The following SIRPB1 variants were observed in gnomAD, a reference collection of about 807,000 sequenced individuals.
The protein encoded by SIRPB1 is signal-regulatory protein beta-1.
Under a neutral mutation model 34.1 loss-of-function variants are expected in SIRPB1, and 28 were observed. That is an observed-to-expected ratio of 0.82 (90% CI 0.61 to 1.12). The LOEUF is 1.12. Ranked by LOEUF, SIRPB1 falls within the 50% of genes most tolerant of loss-of-function variation. The probability of loss-of-function intolerance (pLI) is 0.00; values close to 1 mark genes in which losing one functional copy is unlikely to be tolerated. For synonymous variants in SIRPB1, 211 were observed against 203.8 expected (o/e 1.04, Z -0.30); for missense variants, 499 against 507.0 (o/e 0.98, Z 0.15).
chr20:1,584,960 A>G lies in SIRPB1; in HGVS notation c.77-6266T>C, dbSNP rs1047258420. On this transcript the variant is annotated intron_variant, in intron 1 of 5. Transcript: ENST00000381605. ...CCCAGCAATAAACTCACACATTTGC[A>G]CTCAATTGACCTTTGACAAAAGGGT... 1.0e-4 allele frequency among the ~76,000 whole-genome samples: 5 copies of G among 48,750 alleles called. 2 individuals carry two copies. The highest frequency in any genetic ancestry group is 2.0e-4 in the Non-Finnish European group (5 of 25,308). 32.0% of individuals were successfully genotyped at this position (48,750 alleles called of 152,430 possible).
At chr20:1,576,862 A>G (rs1388423018) in intron 2 of SIRPB1, among the ~76,000 whole-genome samples, 1 of 148,696 alleles carries the variant, frequency 6.7e-6, no homozygotes, top group African/African-American at 2.4e-5. Flanking sequence ...TCTGACCTAG[A>G]AACACCACTT....
chr20:1,563,195 T>C lies in SIRPB1; in HGVS notation c.*2305A>G, dbSNP rs890500377. Among the ~76,000 whole-genome samples the C allele has an allele frequency of 2.6e-5, 4 of 152,102 alleles. No individual in the cohort carries two copies. The highest frequency in any genetic ancestry group is 5.9e-5 in the Non-Finnish European group (4 of 68,014). Reference sequence around the variant, plus strand: ...AAGATGGCAAAACACCAAGGTATAATAGAAATGATGCTTGCTGGCTAGGCA... The same window carrying C: ...AAGATGGCAAAACACCAAGGTATAACAGAAATGATGCTTGCTGGCTAGGCA... On this transcript the variant is annotated 3_prime_UTR_variant, in exon 6 of 6. Transcript: ENST00000381605.
At chr20:1,570,615 G>A in intron 4 of SIRPB1, 190 bp downstream of exon 4, 2 of 546,162 alleles carry the variant, frequency 3.7e-6, no homozygotes, top group Non-Finnish European at 6.4e-6. Context: ...GGGCTTAAGG[G>A]TGTCTACAAA....
chr20:1,616,246 T>C (rs555242139), intron 1 of SIRPB1, among the ~76,000 whole-genome samples: 3 of 152,302 alleles, frequency 2.0e-5, no homozygotes, highest in Non-Finnish European at 4.4e-5. Flanking sequence ...CATAGAAAAT[T>C]GTGAGTAGAA....
chr20:1,562,535 C>G lies in SIRPB1; in HGVS notation c.*2965G>C, dbSNP rs1240393973. ...TTGGTGATGACATGCATGCATTTCT[C>G]TTACCATAGTTTAGTTAAGTAACAT... On this transcript the variant is annotated 3_prime_UTR_variant, in exon 6 of 6. Transcript: ENST00000381605. 4.0e-5 allele frequency among the ~76,000 whole-genome samples: 6 copies of G among 151,610 alleles called. No homozygotes were observed. Among genetic ancestry groups the G allele is most frequent in the Non-Finnish European group, 1.5e-5 (1 of 67,998 alleles).
At chr20:1,567,131 T>A (rs1283091949) in intron 4 of SIRPB1, among the ~76,000 whole-genome samples, 3 of 152,116 alleles carry the variant, frequency 2.0e-5, no homozygotes, top group Non-Finnish European at 4.4e-5. Context: ...GGTGGGTCCT[T>A]AAGGAAGGAA....
intron 1 of SIRPB1, among the ~76,000 whole-genome samples, chr20:1,617,299 T>TC (rs1317984901): frequency 6.6e-6 from 1 of 152,114 alleles, no homozygotes; most frequent in Non-Finnish European, 1.5e-5. Flanking sequence ...TAGATGTCCA[T>TC]CAGCAGATAA....
Position 1,570,855 on chromosome 20 carries a change from G to A in SIRPB1, c.1034C>T (p.Ala345Val). Reference protein sequence around the residue: ...DGQQAVSKSYALEISAHQKEH... With the variant: ...DGQQAVSKSYVLEISAHQKEH... ...CTTCTGGTGCGCTGAGATCTCCAGG[G>A]CATAGCTTTTGCTGACTGCTTGCTG... Residue 345 changes from alanine (A) to valine (V), a missense_variant, in exon 4 of 6, where the codon GCC becomes GTC. Transcript: ENST00000381605. 1.2e-6 allele frequency: 2 copies of A among 1,614,174 alleles called. No individual in the cohort carries two copies.
rs1241396542 is a variant in SIRPB1, at chr20:1,583,579, A to G, written c.77-4885T>C. Among the ~76,000 whole-genome samples, 3 of 48,086 alleles carry G rather than the reference A, an allele frequency of 6.2e-5. 1 individual carries two copies. The highest frequency in any genetic ancestry group is 1.4e-4 in the African/African-American group (1 of 7,228). The allele number at this position is 48,086 out of a possible 152,430, so 31.5% of individuals were successfully genotyped here. On this transcript the variant is annotated intron_variant, in intron 1 of 5. Transcript: ENST00000381605. ...ATAGGCAGGGTTCTCTGTTACTTTT[A>G]TCTCCTTCTTTCTTCCTCAACCCTA...
In SIRPB1 at chr20:1,571,238, G is replaced by A. The variant is rs1203704060; in HGVS notation, c.752-101C>T. 1.3e-5 allele frequency: 16 copies of A among 1,232,998 alleles called. 1 individual carries two copies. 76.4% of individuals were successfully genotyped at this position (1,232,998 alleles called of 1,614,324 possible). Reference sequence around the variant, plus strand: ...CACCAACACAGTGAGGGCATCACCAGGACAGTGCTAGGCAGGCAGCAGGTG... The same window carrying A: ...CACCAACACAGTGAGGGCATCACCAAGACAGTGCTAGGCAGGCAGCAGGTG... On this transcript the variant is annotated intron_variant, in intron 3 of 5. Coordinates refer to ENST00000381605, the MANE Select transcript of SIRPB1 (RefSeq NM_006065.5).
rs575725779 is a variant in SIRPB1 at position 1,561,962 on chromosome 20, C to A, written c.*3538G>T. ...CTTCTGCACTGGAGATTCTTCTCTT[C>A]TTTCCCATTAATTTATTCAATCATT... On this transcript the variant is annotated 3_prime_UTR_variant, in exon 6 of 6. Coordinates refer to ENST00000381605, the MANE Select transcript of SIRPB1 (RefSeq NM_006065.5). Among the ~76,000 whole-genome samples the A allele has an allele frequency of 3.9e-5, 6 of 152,308 alleles. No homozygotes were observed. In the South Asian group the frequency reaches 1.2e-3, roughly 32 times the overall value.
intron 2 of SIRPB1, among the ~76,000 whole-genome samples, chr20:1,576,212 C>G (rs552459128): frequency 6.8e-6 from 1 of 147,820 alleles, no homozygotes; most frequent in African/African-American, 2.5e-5. Context: ...AGTGTCTTTG[C>G]CAATATTATC....
rs1045456459 is a variant in SIRPB1, at chr20:1,594,668, G to C, written c.77-15974C>G. Among the ~76,000 whole-genome samples the C allele has an allele frequency of 4.1e-5, 2 of 48,308 alleles. 1 individual carries two copies. Among genetic ancestry groups the C allele is most frequent in the Non-Finnish European group, 7.9e-5 (2 of 25,244 alleles). 31.7% of individuals were successfully genotyped at this position (48,308 alleles called of 152,430 possible). ...TTAAAACTTCCTAGTCTGAAATCAA[G>C]CTCTACCAGCTCCCAAGTGTGTGAC... On this transcript the variant is annotated intron_variant, in intron 1 of 5. Coordinates refer to ENST00000381605, the MANE Select transcript of SIRPB1 (RefSeq NM_006065.5).
rs925607307 is a variant in SIRPB1 at position 1,563,347 on chromosome 20, G to T, written c.*2153C>A. ...CATCTCTACTAAAAATACAAAATTAGCTGGGTGTGGTGGTACATGCCTGTA... is the reference window on the plus strand; with the variant it reads ...CATCTCTACTAAAAATACAAAATTATCTGGGTGTGGTGGTACATGCCTGTA... On this transcript the variant is annotated 3_prime_UTR_variant, in exon 6 of 6. Transcript: ENST00000381605. Among the ~76,000 whole-genome samples the T allele has an allele frequency of 1.5e-4, 23 of 152,022 alleles. No individual in the cohort carries two copies. The highest frequency in any genetic ancestry group is 2.9e-4 in the Non-Finnish European group (20 of 68,014).
At position 1,564,740 on chromosome 20, in the gene SIRPB1, A is replaced by T. The variant is rs2091106045; in HGVS notation, c.*760T>A. 7.6e-6 allele frequency: 3 copies of T among 395,808 alleles called. No individual in the cohort carries two copies. Among genetic ancestry groups the T allele is most frequent in the African/African-American group, 6.2e-5 (3 of 48,586 alleles). 24.5% of individuals were successfully genotyped at this position (395,808 alleles called of 1,614,324 possible). A position where few individuals can be genotyped will look rare whatever the true frequency, so the allele number is the denominator to read the frequency against. Reference sequence around the variant, plus strand: ...AATTGGTCAGGTTGGGAGTTATTACACTAGAGAAATTGGCAAGCACTGCAA... The same window carrying T: ...AATTGGTCAGGTTGGGAGTTATTACTCTAGAGAAATTGGCAAGCACTGCAA... On this transcript the variant is annotated 3_prime_UTR_variant, in exon 6 of 6. Transcript: ENST00000381605.
intron 1 of SIRPB1, chr20:1,604,681 G>T: frequency 1.9e-6 from 1 of 540,240 alleles, no homozygotes; most frequent in Non-Finnish European, 2.5e-6. Flanking sequence ...GATGAGTGGA[G>T]GGTGGTGGGG....
chr20:1,579,667 C>A (rs527271020), intron 1 of SIRPB1, among the ~76,000 whole-genome samples: 11 of 148,550 alleles, frequency 7.4e-5, no homozygotes, highest in African/African-American at 2.7e-4. Flanking sequence ...ATCACATTAC[C>A]TAAGTTTCCT....
chr20:1,617,154 A>G (rs2091641674), intron 1 of SIRPB1, among the ~76,000 whole-genome samples: 1 of 152,232 alleles, frequency 6.6e-6, no homozygotes, highest in Non-Finnish European at 1.5e-5. Flanking sequence ...AATTAAAAAT[A>G]GAACTATCAT....
In SIRPB1 at chr20:1,564,810, T is replaced by C. The variant is rs780584401; in HGVS notation, c.*690A>G. On this transcript the variant is annotated 3_prime_UTR_variant, in exon 6 of 6. Coordinates refer to ENST00000381605, the MANE Select transcript of SIRPB1 (RefSeq NM_006065.5). ...CTTTCAGAAAGTCCATTGTTAAACA[T>C]TTACCATCTCATGTAAGTGGACACA... 2.5e-5 allele frequency: 10 copies of C among 397,994 alleles called. No individual in the cohort carries two copies. The highest frequency in any genetic ancestry group is 3.5e-5 in the Non-Finnish European group (8 of 225,986). 24.7% of individuals were successfully genotyped at this position (397,994 alleles called of 1,614,324 possible). A position where few individuals can be genotyped will look rare whatever the true frequency, so the allele number is the denominator to read the frequency against.
Sources: allele counts gnomAD v4.1 joint callset (sites outside exome capture counted in the v4.1 genomes callset), GRCh38; gene constraint gnomAD v4.1.1; transcripts MANE v1.5; gene names NCBI Gene and HGNC (gene_info 2026-07-23, HGNC 2026-07-21).